Variants in EBF1 observed in about 807,000 individuals in gnomAD.
EBF1 encodes transcription factor COE1.
EBF1 carries 10 observed loss-of-function variants against 68.4 expected under a neutral mutation model. That is an observed-to-expected ratio of 0.15 (90% confidence interval 0.09 to 0.25). The LOEUF (loss-of-function observed/expected upper bound fraction) is 0.25. EBF1 is among the 10% of genes least tolerant of loss of function. EBF1 has a pLI of 1.00. For missense variants in EBF1, 509 were observed against 794.4 expected, an observed-to-expected ratio of 0.64 and a Z score of 4.32; for synonymous variants, 298 against 299.8, an observed-to-expected ratio of 0.99 and a Z score of 0.06.
chr5:159,008,047 G>A (rs1418377146), intron 6 of EBF1, among the ~76,000 whole-genome samples: 2 of 152,162 alleles, frequency 1.3e-5, no homozygotes, highest in African/African-American at 4.8e-5. Flanking sequence ...GCATGTAAGA[G>A]CTGCTTCAGG....
At chr5:159,049,015 A>G (rs1266621726) in intron 6 of EBF1, among the ~76,000 whole-genome samples, 1 of 152,250 alleles carries the variant, frequency 6.6e-6, no homozygotes, top group Non-Finnish European at 1.5e-5. Context: ...ATGGCATCCC[A>G]AATTATTCAT....
At chr5:159,053,844 A>T (rs1232203424) in intron 6 of EBF1, among the ~76,000 whole-genome samples, 1 of 152,220 alleles carries the variant, frequency 6.6e-6, no homozygotes, top group Non-Finnish European at 1.5e-5. Context: ...TGAAAGCACA[A>T]CCCATTGTAT....
At chr5:159,003,191 A>G (rs1343382836) in intron 6 of EBF1, among the ~76,000 whole-genome samples, 1 of 152,226 alleles carries the variant, frequency 6.6e-6, no homozygotes, top group Non-Finnish European at 1.5e-5. Flanking sequence ...GTTAGTCACA[A>G]GATCAACAAA....
chr5:158,764,680 A>G (rs542376253), intron 10 of EBF1, among the ~76,000 whole-genome samples: 1 of 152,308 alleles, frequency 6.6e-6, no homozygotes, highest in South Asian at 2.1e-4. Context: ...TCAAAGTGTC[A>G]ATGCTGGGGA....
At chr5:158,751,349 C>T (rs1321683033) in intron 10 of EBF1, among the ~76,000 whole-genome samples, 3 of 151,808 alleles carry the variant, frequency 2.0e-5, no homozygotes, top group Non-Finnish European at 2.9e-5. Context: ...GCCCCTGGCT[C>T]ATAATGACCT....
chr5:158,786,456 A>T (rs576542848), intron 9 of EBF1, among the ~76,000 whole-genome samples: 2 of 151,394 alleles, frequency 1.3e-5, no homozygotes, highest in South Asian at 2.1e-4. Flanking sequence ...TCTTCCCAGG[A>T]TGTAGATCTT....
chr5:159,098,465 A>G (rs2128015171), intron 1 of EBF1, among the ~76,000 whole-genome samples: 1 of 152,220 alleles, frequency 6.6e-6, no homozygotes, highest in South Asian at 2.1e-4. Flanking sequence ...ACAGAGAGGG[A>G]GGGAAGGAGA....
At chr5:158,810,892 G>A (rs920249731) in intron 8 of EBF1, among the ~76,000 whole-genome samples, 7 of 152,062 alleles carry the variant, frequency 4.6e-5, no homozygotes, top group African/African-American at 1.2e-4. Context: ...AGCAGCATAC[G>A]TTTAAGCAGG....
chr5:159,003,478 G>T (rs895039676), intron 6 of EBF1, among the ~76,000 whole-genome samples: 2 of 151,732 alleles, frequency 1.3e-5, no homozygotes, highest in Non-Finnish European at 2.9e-5. Context: ...AAAAAAAACT[G>T]GCATTCTGCC....
At chr5:158,969,905 AAAG>A (rs1755188227) in intron 6 of EBF1, among the ~76,000 whole-genome samples, 7 of 105,186 alleles carry the variant, frequency 6.7e-5, no homozygotes, top group African/African-American at 2.4e-4. Flanking sequence ...AGAAAGAAAG[AAAG>A]AAAGAAAGAA....
chr5:158,996,766 T>C (rs772851385), intron 6 of EBF1, among the ~76,000 whole-genome samples: 18 of 152,210 alleles, frequency 1.2e-4, no homozygotes, highest in Non-Finnish European at 2.2e-4. Flanking sequence ...CCATTCCTAA[T>C]AAAAGAAGGC....
At chr5:159,038,869 G>A (rs1370585709) in intron 6 of EBF1, among the ~76,000 whole-genome samples, 3 of 152,134 alleles carry the variant, frequency 2.0e-5, no homozygotes, top group African/African-American at 4.8e-5. Flanking sequence ...CCCACTAGCT[G>A]TAGGATCTCG....
In EBF1 at chr5:158,696,429, C is replaced by T. The variant is rs1755771029; in HGVS notation, c.*2682G>A. 1 of 221,464 alleles carries T rather than the reference C, an allele frequency of 4.5e-6. No homozygotes were observed. The allele number at this position is 221,464 out of a possible 1,614,324, so 13.7% of individuals were successfully genotyped here. A position where few individuals can be genotyped will look rare whatever the true frequency, so the allele number is the denominator to read the frequency against. ...AGTTCTAACCACTGCACATGGCTGA[C>T]AGATGGGTAGTGTCTGTTGTCAAGG... On this transcript the variant is annotated 3_prime_UTR_variant, in exon 16 of 16. Coordinates refer to ENST00000313708, the MANE Select transcript of EBF1 (RefSeq NM_024007.5).
At chr5:158,772,459 T>C (rs951057016) in intron 10 of EBF1, among the ~76,000 whole-genome samples, 2 of 152,192 alleles carry the variant, frequency 1.3e-5, no homozygotes, top group African/African-American at 4.8e-5. Context: ...AACAAGCATG[T>C]GTTGTTCCCT....
At chr5:158,990,765 T>A (rs773159308) in intron 6 of EBF1, among the ~76,000 whole-genome samples, 19 of 152,326 alleles carry the variant, frequency 1.2e-4, no homozygotes, top group Non-Finnish European at 2.1e-4. Context: ...TTATAAGAAC[T>A]AAAAAGACAA....
intron 6 of EBF1, among the ~76,000 whole-genome samples, chr5:158,960,479 G>C (rs1817960675): frequency 6.6e-6 from 1 of 152,062 alleles, no homozygotes; most frequent in Non-Finnish European, 1.5e-5. Context: ...TCTAAAACTG[G>C]AAATGATTAA....
chr5:158,711,457 C>T (rs955451111), intron 14 of EBF1, among the ~76,000 whole-genome samples: 9 of 152,290 alleles, frequency 5.9e-5, no homozygotes, highest in South Asian at 2.1e-4. Context: ...TCACTGTATG[C>T]GCTATCTTCT....
intron 9 of EBF1, among the ~76,000 whole-genome samples, chr5:158,784,272 G>A (rs770073269): frequency 9.2e-5 from 14 of 152,272 alleles, no homozygotes; most frequent in East Asian, 3.9e-4. Flanking sequence ...GTGGCCAGTC[G>A]GCCTGACTAA....
intron 6 of EBF1, among the ~76,000 whole-genome samples, chr5:159,000,342 G>A (rs1762290882): frequency 6.6e-6 from 1 of 152,082 alleles, no homozygotes; most frequent in Non-Finnish European, 1.5e-5. Flanking sequence ...GATAAAATGA[G>A]TAATACAGAT....
Sources: gnomAD v4.1 joint callset for allele counts (sites outside exome capture counted in the v4.1 genomes callset) on GRCh38, gnomAD v4.1.1 for gene constraint, MANE v1.5 for transcripts, NCBI Gene and HGNC (gene_info 2026-07-23, HGNC 2026-07-21) for gene names.